KIF22: variants seen among roughly 807,000 people sequenced by gnomAD.
The protein encoded by KIF22 is kinesin-like protein KIF22.
In KIF22, 62 loss-of-function variants were observed where a neutral mutation model predicts 73.0. The ratio of observed to expected loss-of-function variants is 0.85; its 90% confidence interval spans 0.69 to 1.05. The LOEUF (loss-of-function observed/expected upper bound fraction) is 1.05, where lower values mean the gene tolerates loss of function less well. Ranked by LOEUF, KIF22 falls within the 50% of genes least tolerant of loss-of-function variation. The pLI is 0.00. For synonymous variants in KIF22, 411 were observed against 340.1 expected, an observed-to-expected ratio of 1.21 and a Z score of -2.29; for missense variants, 854 against 870.1, an observed-to-expected ratio of 0.98 and a Z score of 0.23.
intron 1 of KIF22, among the ~76,000 whole-genome samples, chr16:29,794,988 T>C (rs1393950022): frequency 6.6e-6 from 1 of 152,032 alleles, no homozygotes; most frequent in Non-Finnish European, 1.5e-5. Flanking sequence ...TCCACTTCTG[T>C]CTGACCAGAG....
rs1249205586 is a variant in KIF22 at position 29,799,332 on chromosome 16, T to TGGGTCAGAGGACAACC, written c.831_846dup (p.Arg283ValfsTer71). On this transcript the variant is annotated frameshift_variant, in exon 6 of 14. Transcript: ENST00000160827. LOFTEE classifies it high-confidence loss of function. ...GAAAACTCTACCTGATTGACTTGGCTGGGTCAGAGGACAACCGGCGCACAG... is the reference window on the plus strand; with the variant it reads ...GAAAACTCTACCTGATTGACTTGGCTGGGTCAGAGGACAACCGGGTCAGAGGACAACCGGCGCACAG... The TGGGTCAGAGGACAACC allele has an allele frequency of 6.2e-7, 1 of 1,614,212 alleles. No homozygotes were observed.
intron 1 of KIF22, among the ~76,000 whole-genome samples, chr16:29,794,102 C>T (rs1463233184): frequency 6.6e-6 from 1 of 152,122 alleles, no homozygotes; most frequent in Non-Finnish European, 1.5e-5. Flanking sequence ...ATTGTATGTA[C>T]ATTATTACTT....
chr16:29,799,999 G>C lies in KIF22; in HGVS notation c.1231G>C (p.Gly411Arg). 1 of 1,613,850 alleles carries C rather than the reference G, an allele frequency of 6.2e-7. No homozygotes were observed. ...RARGPEEEEI[G>R]SPEPMAAPAS... ...CCGAGGCCCTGAGGAAGAGGAGATC[G>C]GGAGCCCTGAGCCCATGGCAGCTCC... The change falls in exon 8 of 14, where the codon GGG (glycine) becomes CGG (arginine). Residue 411 changes from glycine to arginine, a missense_variant. Coordinates refer to ENST00000160827, the MANE Select transcript of KIF22 (RefSeq NM_007317.3).
chr16:29,797,069 C>G lies in KIF22; in HGVS notation c.247C>G (p.Gln83Glu), dbSNP rs1458994660. ...SLEIANWRNH[Q>E]ETLKYQFDAF... ...AGAGATTGCTAACTGGAGGAACCACCAGGAGACTCTCAAATACCAGTAAGG... is the reference window on the plus strand; with the variant it reads ...AGAGATTGCTAACTGGAGGAACCACGAGGAGACTCTCAAATACCAGTAAGG... Residue 83 changes from glutamine to glutamate, a missense_variant, in exon 2 of 14, where the codon CAG becomes GAG. Gln to Glu is a conservative substitution (Grantham distance 29). Around this residue, in one of 3 missense-constraint regions of KIF22, gnomAD observed 186 missense variants for 152.9 expected, o/e 1.22. Transcript: ENST00000160827. This position sits in a 1 kb window ranked among gnomAD's most constrained non-coding sequence, Gnocchi z 4.1. 1.9e-6 allele frequency: 3 copies of G among 1,594,642 alleles called. No individual in the cohort carries two copies. Among genetic ancestry groups the G allele is most frequent in the Non-Finnish European group, 2.6e-6 (3 of 1,167,974 alleles).
Position 29,799,170 on chromosome 16 carries a change from G to C in KIF22, c.745G>C (p.Val249Leu). Reference protein sequence around the residue: ...LNQRSSRSHAVLLVKVDQRER... With the variant: ...LNQRSSRSHALLLVKVDQRER... ...CCAGCGCTCCTCCCGCAGTCATGCT[G>C]TGCTCCTGGTCAAGGTGAGGCCGCA... Residue 249 changes from valine to leucine, a missense_variant, in exon 5 of 14, where the codon GTG (valine) becomes CTG (leucine). By Grantham distance (32) the Val-to-Leu change is conservative (BLOSUM62 1). Around this residue, in one of 3 missense-constraint regions of KIF22, gnomAD observed 245 missense variants for 351.8 expected, o/e 0.70. Transcript: ENST00000160827. 1.2e-6 allele frequency: 2 copies of C among 1,613,736 alleles called. No homozygotes were observed.
intron 1 of KIF22, among the ~76,000 whole-genome samples, chr16:29,793,304 G>C (rs768215677): frequency 6.6e-6 from 1 of 152,186 alleles, no homozygotes; most frequent in Non-Finnish European, 1.5e-5. Context: ...GCTGGGCGTG[G>C]TGGCGTGCAC....
At chr16:29,800,290 T>C (rs1596850776) in intron 8 of KIF22, 3 of 330,834 alleles carry the variant, frequency 9.1e-6, no homozygotes, top group East Asian at 1.2e-4. Context: ...ACCTCATCTC[T>C]ACTAAAAAAT....
At chr16:29,800,817 A>G (rs1479162890) in intron 8 of KIF22, among the ~76,000 whole-genome samples, 1 of 152,174 alleles carries the variant, frequency 6.6e-6, no homozygotes, top group East Asian at 1.9e-4. Flanking sequence ...ACTCCATTGA[A>G]TCACTAAAGT....
chr16:29,796,850 T>C (rs111572197), intron 1 of KIF22, 43 bp from the exon 2 acceptor site: 4 of 1,599,658 alleles, frequency 2.5e-6, no homozygotes, highest in Middle Eastern at 1.7e-4. Flanking sequence ...CTTCTTCTGC[T>C]ACCACCATAC....
chr16:29,801,369 C>T (rs1379016832), intron 8 of KIF22, among the ~76,000 whole-genome samples: 2 of 152,126 alleles, frequency 1.3e-5, no homozygotes, highest in Non-Finnish European at 2.9e-5. Context: ...CTGTGAACTA[C>T]TAAACAGAGG....
chr16:29,802,272 A>C (rs1316566782), intron 8 of KIF22, among the ~76,000 whole-genome samples: 1 of 149,406 alleles, frequency 6.7e-6, no homozygotes, highest in East Asian at 1.9e-4. Flanking sequence ...TGTCTCAAAA[A>C]AAAAAAAAAA....
intron 1 of KIF22, among the ~76,000 whole-genome samples, chr16:29,795,460 G>A (rs971397530): frequency 3.3e-5 from 5 of 152,112 alleles, no homozygotes; most frequent in Admixed American, 2.0e-4. Flanking sequence ...TGCCTTCTGC[G>A]AGGCCTATGG....
chr16:29,792,105 T>G (rs531951383), intron 1 of KIF22, among the ~76,000 whole-genome samples: 1 of 152,200 alleles, frequency 6.6e-6, no homozygotes, highest in Non-Finnish European at 1.5e-5. Context: ...AAAGGTTGGA[T>G]AGGAGTTTGC....
rs1395354297 is a variant in KIF22 at position 29,804,940 on chromosome 16, C to G, written c.1804C>G (p.Arg602Gly). 5 of 1,613,574 alleles carry G rather than the reference C, an allele frequency of 3.1e-6. No individual in the cohort carries two copies. Among genetic ancestry groups the G allele is most frequent in the African/African-American group, 1.3e-5 (1 of 75,046 alleles). ...ILDLLNEGSARDLRSLQRIGP... is the reference protein window; with the variant it reads ...ILDLLNEGSAGDLRSLQRIGP... Reference sequence around the variant, plus strand: ...GGATCTGCTGAACGAAGGCTCAGCCCGAGATCTCCGCAGTCTTCAGCGCAT... The same window carrying G: ...GGATCTGCTGAACGAAGGCTCAGCCGGAGATCTCCGCAGTCTTCAGCGCAT... The change falls in exon 12 of 14, where the codon CGA becomes GGA. Residue 602 changes from arginine to glycine, a missense_variant. Coordinates refer to ENST00000160827, the MANE Select transcript of KIF22 (RefSeq NM_007317.3).
Position 29,797,146 on chromosome 16 carries a change from C to G in KIF22, c.266+58C>G, listed in dbSNP as rs1898974370. 7.7e-7 allele frequency: 1 copy of G among 1,296,562 alleles called. No homozygotes were observed. Among genetic ancestry groups the G allele is most frequent in the Non-Finnish European group, 1.1e-6 (1 of 939,674 alleles). The allele number at this position is 1,296,562 out of a possible 1,614,324, so 80.3% of individuals were successfully genotyped here. ...CATCACCTCCCTCTCCTAGGCCTGC[C>G]CACGTTCCCCTGCCTCCCCAGGATC... On this transcript the variant is annotated intron_variant, in intron 2 of 13. Coordinates refer to ENST00000160827, the MANE Select transcript of KIF22 (RefSeq NM_007317.3). The surrounding 1 kb of genome is among the most constrained non-coding windows in gnomAD (Gnocchi z 4.1).
intron 9 of KIF22, 86 bp downstream of exon 9, chr16:29,803,023 G>A: frequency 1.5e-6 from 2 of 1,377,296 alleles, no homozygotes; most frequent in East Asian, 2.3e-5. Flanking sequence ...GGACACTCAG[G>A]CTGGACTAGA....
At position 29,799,165 on chromosome 16, in the gene KIF22, A is replaced by G; in HGVS notation, c.740A>G (p.His247Arg). Residue 247 changes from histidine (H) to arginine (R), a missense_variant, in exon 5 of 14, where the codon CAT becomes CGT. Physicochemically the swap from His to Arg is conservative, Grantham distance 29. Coordinates refer to ENST00000160827, the MANE Select transcript of KIF22 (RefSeq NM_007317.3). ...TRLNQRSSRS[H>R]AVLLVKVDQR... is the part of the protein sequence containing the mutation. ...CTCAACCAGCGCTCCTCCCGCAGTC[A>G]TGCTGTGCTCCTGGTCAAGGTGAGG... The G allele has an allele frequency of 6.2e-7, 1 of 1,613,930 alleles. No individual in the cohort carries two copies. Among genetic ancestry groups the G allele is most frequent in the Non-Finnish European group, 8.5e-7 (1 of 1,179,936 alleles).
At chr16:29,805,083 G>A (rs375780515) in intron 12 of KIF22, 32 bp from the exon 13 acceptor site, 40 of 1,613,288 alleles carry the variant, frequency 2.5e-5, no homozygotes, top group Non-Finnish European at 3.4e-5. Context: ...GTACCCCCGA[G>A]ACCCTGTCCC....
intron 9 of KIF22, 65 bp from the exon 10 acceptor site, chr16:29,803,384 A>T: frequency 6.3e-7 from 1 of 1,591,862 alleles, no homozygotes; most frequent in Non-Finnish European, 8.6e-7. Context: ...CACCCTGGTA[A>T]CCCACTCCCT....
Sources: allele counts gnomAD v4.1 joint callset (sites outside exome capture counted in the v4.1 genomes callset), GRCh38; gene constraint gnomAD v4.1.1; regional missense constraint gnomAD v4.1.1; non-coding constraint Gnocchi (gnomAD v3.1); transcripts MANE v1.5; gene names NCBI Gene and HGNC (gene_info 2026-07-23, HGNC 2026-07-21).